The following DMTF1 variants were observed in gnomAD, a reference collection of about 807,000 sequenced individuals.
DMTF1 encodes the protein cyclin-D-binding Myb-like transcription factor 1.
In DMTF1, 39 loss-of-function variants were observed where a neutral mutation model predicts 91.1. That is an observed-to-expected ratio of 0.43 (90% CI 0.33 to 0.56). The LOEUF (loss-of-function observed/expected upper bound fraction) is 0.56. Among genes scored for constraint, DMTF1 ranks in the 20% least tolerant of loss-of-function variants. The pLI is 0.05. For missense variants in DMTF1, 750 were observed against 914.5 expected (o/e 0.82, Z 2.32); for synonymous variants, 338 against 309.5 (o/e 1.09, Z -0.97).
In DMTF1 at chr7:87,155,201, T is replaced by G. The variant is rs116928258; in HGVS notation, c.-132+2646T>G. 2.4e-3 allele frequency among the ~76,000 whole-genome samples: 362 copies of G among 152,304 alleles called. 12 individuals are homozygous for G. In the East Asian group the frequency reaches 0.065, roughly 27 times the overall value. Reference sequence around the variant, plus strand: ...GAAAGTATTGACGTCTTGCATCACTTGTATTAAACACACATCTGTCTGTTG... The same window carrying G: ...GAAAGTATTGACGTCTTGCATCACTGGTATTAAACACACATCTGTCTGTTG... On this transcript the variant is annotated intron_variant, in intron 1 of 17. Transcript: ENST00000331242.
chr7:87,195,217 A>G lies in DMTF1; in HGVS notation c.*77A>G, dbSNP rs998526858. On this transcript the variant is annotated 3_prime_UTR_variant, in exon 18 of 18. Coordinates refer to ENST00000331242, the MANE Select transcript of DMTF1 (RefSeq NM_001142327.2). The stretch of plus-strand genomic sequence containing the variant: ...CAACCTCTTCAAAGAAATAGGAGCA[A>G]CCCCCAAGAGGCTTAATTTACCAAT... The G allele has an allele frequency of 1.6e-5, 16 of 1,028,250 alleles. No homozygotes were observed. In the African/African-American group the frequency reaches 2.4e-4, roughly 16 times the overall value. The allele number at this position is 1,028,250 out of a possible 1,614,324, so 63.7% of individuals were successfully genotyped here.
intron 13 of DMTF1, 52 bp from the exon 14 acceptor site, chr7:87,190,893 A>C (rs570729447): frequency 6.7e-7 from 1 of 1,482,638 alleles, no homozygotes; most frequent in East Asian, 2.3e-5. Flanking sequence ...TAAATTAACA[A>C]AACATTTATT....
In DMTF1 at chr7:87,187,080, T is replaced by C. The variant is rs201546684; in HGVS notation, c.1202-1012T>C. The C allele has an allele frequency of 1.2e-4, 19 of 152,344 alleles. No homozygotes were observed. The East Asian group carries it at 2.5e-3, about 20-fold the overall frequency. The allele number at this position is 152,344 out of a possible 1,614,324, so 9.4% of individuals were successfully genotyped here. A position where few individuals can be genotyped will look rare whatever the true frequency, so the allele number is the denominator to read the frequency against. ...TGCTTAAAGTGAAGCATACTTTTTGTTGCCTGTTTTGCATTTAGGTATTAA... is the reference window on the plus strand; with the variant it reads ...TGCTTAAAGTGAAGCATACTTTTTGCTGCCTGTTTTGCATTTAGGTATTAA... On this transcript the variant is annotated intron_variant, in intron 12 of 17. Coordinates refer to ENST00000331242, the MANE Select transcript of DMTF1 (RefSeq NM_001142327.2).
intron 15 of DMTF1, 137 bp from the exon 16 acceptor site, chr7:87,193,583 CAAGTA>C: frequency 1.1e-6 from 1 of 899,646 alleles, no homozygotes; most frequent in Non-Finnish European, 1.7e-6. Context: ...AAGGCCCTAG[CAAGTA>C]AAGGACAAGG....
intron 1 of DMTF1, among the ~76,000 whole-genome samples, chr7:87,159,154 CAGTA>C (rs1195678467): frequency 4.6e-5 from 7 of 151,972 alleles, no homozygotes; most frequent in East Asian, 3.9e-4. Context: ...ATGGAAATGT[CAGTA>C]AGGCATATAA....
At chr7:87,182,071 A>C (rs749265003) in intron 9 of DMTF1, 157 bp from the exon 10 acceptor site, 43 of 1,532,640 alleles carry the variant, frequency 2.8e-5, no homozygotes, top group East Asian at 2.2e-4. Context: ...TGTGGACCCC[A>C]AAAAAAGGCC....
intron 4 of DMTF1, among the ~76,000 whole-genome samples, 175 bp from the exon 5 acceptor site, chr7:87,170,820 A>C (rs1244412525): frequency 1.3e-5 from 2 of 152,198 alleles, no homozygotes; most frequent in Admixed American, 6.5e-5. Flanking sequence ...AATATCTACT[A>C]TGAATTAGGT....
chr7:87,165,063 G>A lies in DMTF1; in HGVS notation c.109+13G>A, dbSNP rs1394944391. On this transcript the variant is annotated intron_variant, in intron 3 of 17. Coordinates refer to ENST00000331242, the MANE Select transcript of DMTF1 (RefSeq NM_001142327.2). ...TGCCCTCAGAATGGTAGGAGAACTTGCTGACATATAATTCTGACTCTCTGA... is the reference window on the plus strand; with the variant it reads ...TGCCCTCAGAATGGTAGGAGAACTTACTGACATATAATTCTGACTCTCTGA... The A allele has an allele frequency of 3.8e-6, 6 of 1,569,102 alleles. No homozygotes were observed. The highest frequency in any genetic ancestry group is 2.7e-5 in the African/African-American group (2 of 73,666).
chr7:87,153,357 G>A (rs1385293265), intron 1 of DMTF1, among the ~76,000 whole-genome samples: 1 of 152,168 alleles, frequency 6.6e-6, no homozygotes, highest in Non-Finnish European at 1.5e-5. Flanking sequence ...AAATTGTTAA[G>A]TCCACTTTGT....
At chr7:87,174,957 T>A (rs1014142591) in intron 7 of DMTF1, among the ~76,000 whole-genome samples, 1 of 152,128 alleles carries the variant, frequency 6.6e-6, no homozygotes, top group African/African-American at 2.4e-5. Flanking sequence ...TCAAGAAGCC[T>A]ATAGAGTTTA....
chr7:87,178,677 G>A (rs966075400), intron 7 of DMTF1, among the ~76,000 whole-genome samples: 1 of 151,946 alleles, frequency 6.6e-6, no homozygotes, highest in African/African-American at 2.4e-5. Context: ...GTTAGTGAAT[G>A]CGTTTGACCT....
At chr7:87,186,931 T>A (rs1464021259) in intron 12 of DMTF1, 1 of 152,196 alleles carries the variant, frequency 6.6e-6, no homozygotes, top group African/African-American at 2.4e-5. Context: ...CTTTTGTGAG[T>A]TGTATAATTT....
intron 16 of DMTF1, 84 bp downstream of exon 16, chr7:87,194,186 C>A: frequency 6.9e-7 from 1 of 1,449,318 alleles, no homozygotes; most frequent in Non-Finnish European, 9.2e-7. Context: ...TCTGAAGACT[C>A]ATGAAATTAA....
intron 13 of DMTF1, among the ~76,000 whole-genome samples, chr7:87,189,813 T>C (rs924003529): frequency 6.6e-6 from 1 of 152,094 alleles, no homozygotes; most frequent in Non-Finnish European, 1.5e-5. Flanking sequence ...GAAAACCATA[T>C]TGGCCTTAAG....
intron 1 of DMTF1, among the ~76,000 whole-genome samples, chr7:87,155,287 T>C (rs1562765526): frequency 6.6e-6 from 1 of 152,228 alleles, no homozygotes; most frequent in Non-Finnish European, 1.5e-5. Flanking sequence ...TACTTTTTTT[T>C]ATATCTTATG....
chr7:87,155,347 G>A (rs1790397124), intron 1 of DMTF1: 1 of 151,912 alleles, frequency 6.6e-6, no homozygotes, highest in African/African-American at 2.4e-5. Flanking sequence ...TTCCAAAATG[G>A]AGTTTTCCAT....
intron 12 of DMTF1, 32 bp downstream of exon 12, chr7:87,186,012 C>G: frequency 1.2e-6 from 2 of 1,611,368 alleles, no homozygotes; most frequent in Non-Finnish European, 1.7e-6. Flanking sequence ...AAGCTCCTCC[C>G]CTTTTCTTAC....
intron 10 of DMTF1, among the ~76,000 whole-genome samples, chr7:87,183,176 C>G (rs942722350): frequency 1.3e-5 from 2 of 152,182 alleles, no homozygotes; most frequent in African/African-American, 4.8e-5. Context: ...AATCAGAATT[C>G]TTTCCTGCTT....
chr7:87,196,138 A>G lies in DMTF1; in HGVS notation c.*998A>G, dbSNP rs1292436474. On this transcript the variant is annotated 3_prime_UTR_variant, in exon 18 of 18. Coordinates refer to ENST00000331242, the MANE Select transcript of DMTF1 (RefSeq NM_001142327.2). ...GCTTTTTAATGAATATGACCCCTATAGAAAAGTCAAGAAAAAAAAACCCTT... is the reference window on the plus strand; with the variant it reads ...GCTTTTTAATGAATATGACCCCTATGGAAAAGTCAAGAAAAAAAAACCCTT... 2 of 153,386 alleles carry G rather than the reference A, an allele frequency of 1.3e-5. No homozygotes were observed. The highest frequency in any genetic ancestry group is 4.8e-5 in the African/African-American group (2 of 41,448). The allele number at this position is 153,386 out of a possible 1,614,324, so 9.5% of individuals were successfully genotyped here.
Sources: allele counts gnomAD v4.1 joint callset (sites outside exome capture counted in the v4.1 genomes callset), GRCh38; gene constraint gnomAD v4.1.1; transcripts MANE v1.5; gene names NCBI Gene and HGNC (gene_info 2026-07-23, HGNC 2026-07-21).